GTPBP1: variants seen among roughly 807,000 people sequenced by gnomAD.
GTPBP1 encodes GTP binding protein 1, also known as GTP-binding protein 1.
GTPBP1 carries 23 observed loss-of-function variants against 62.0 expected under a neutral mutation model. The ratio of observed to expected loss-of-function variants is 0.37; its 90% CI spans 0.27 to 0.53. The LOEUF is 0.53. GTPBP1 is among the 20% of genes least tolerant of loss of function. The pLI is 0.89. For synonymous variants in GTPBP1, 344 were observed against 364.4 expected, an observed-to-expected ratio of 0.94 and a Z score of 0.64; for missense variants, 640 against 917.3, an observed-to-expected ratio of 0.70 and a Z score of 3.90.
intron 2 of GTPBP1, among the ~76,000 whole-genome samples, chr22:38,715,676 G>C (rs2092665726): frequency 6.6e-6 from 1 of 152,222 alleles, no homozygotes; most frequent in African/African-American, 2.4e-5. Context: ...CTCGGTGGCT[G>C]TTGTTGAATG....
At position 38,716,173 on chromosome 22, in the gene GTPBP1, T is replaced by C. The variant is rs1293788718; in HGVS notation, c.485+86T>C. ...TGTGGCACTTGGCGTGTCAGCTCCA[T>C]CCTTTCCCCTCCTGAGGCGGGGAAA... On this transcript the variant is annotated intron_variant, in intron 3 of 11. Transcript: ENST00000216044. The surrounding 1 kb of genome is among the most constrained non-coding windows in gnomAD (Gnocchi z 5.2). 9.4e-6 allele frequency: 10 copies of C among 1,066,134 alleles called. No homozygotes were observed. In the Admixed American group the frequency reaches 2.2e-4, roughly 24 times the overall value. 66.0% of individuals were successfully genotyped at this position (1,066,134 alleles called of 1,614,324 possible). A position where few individuals can be genotyped will look rare whatever the true frequency, so the allele number is the denominator to read the frequency against.
chr22:38,706,458 C>T (rs1377929809), intron 1 of GTPBP1: 2 of 238,246 alleles, frequency 8.4e-6, no homozygotes, highest in African/African-American at 4.5e-5. Flanking sequence ...GCCAGCTGCG[C>T]TCCGCGCGTT....
chr22:38,716,944 C>T lies in GTPBP1; in HGVS notation c.778C>T (p.Leu260=). 1.2e-6 allele frequency: 2 copies of T among 1,613,948 alleles called. No individual in the cohort carries two copies. Among genetic ancestry groups the T allele is most frequent in the Non-Finnish European group, 1.7e-6 (2 of 1,179,810 alleles). ...CGACTTGGCTGGTCATGAGAAGTACCTGAAAACCACTGTCTTCGGCATGAC... is the reference window on the plus strand; with the variant it reads ...CGACTTGGCTGGTCATGAGAAGTACTTGAAAACCACTGTCTTCGGCATGAC... ...FIDLAGHEKY[L]KTTVFGMTGH... is the part of the protein sequence containing the mutation. The change falls in exon 4 of 12, where the codon CTG becomes TTG. Residue 260 remains leucine, a synonymous_variant. Transcript: ENST00000216044. This position sits in a 1 kb window ranked among gnomAD's most constrained non-coding sequence, Gnocchi z 5.2.
chr22:38,730,776 G>C lies in GTPBP1; in HGVS notation c.*72G>C. On this transcript the variant is annotated 3_prime_UTR_variant, in exon 12 of 12. Transcript: ENST00000216044. The surrounding 1 kb of genome is among the most constrained non-coding windows in gnomAD (Gnocchi z 5.6). ...GCCACCACTCCACCAGATGGGCAGA[G>C]CAGCTATGACCGCCACCCAGCCCTC... The C allele has an allele frequency of 1.2e-6, 1 of 840,586 alleles. No individual in the cohort carries two copies. 52.1% of individuals were successfully genotyped at this position (840,586 alleles called of 1,614,324 possible).
downstream of GTPBP1, chr22:38,739,078 G>T: frequency 7.7e-7 from 1 of 1,302,280 alleles, no homozygotes. This position sits in a 1 kb window ranked among gnomAD's most constrained non-coding sequence, Gnocchi z 6.7. Context: ...AAGGTGGACG[G>T]CAGATGCCCC....
chr22:38,721,944 C>T (rs559654289), intron 5 of GTPBP1, 79 bp downstream of exon 5: 35 of 1,004,392 alleles, frequency 3.5e-5, no homozygotes, highest in Middle Eastern at 2.4e-4. Context: ...TCTGCTACCA[C>T]GGCTTTAGCC....
At chr22:38,722,653 C>T (rs1056344359) in intron 5 of GTPBP1, 3 of 1,504,128 alleles carry the variant, frequency 2.0e-6, no homozygotes, top group Admixed American at 4.0e-5. Context: ...TCCTTGCCTT[C>T]TACAGATAAT....
chr22:38,730,993 G>GT lies in GTPBP1; in HGVS notation c.*290dup, dbSNP rs1339153250. On this transcript the variant is annotated 3_prime_UTR_variant, in exon 12 of 12. Coordinates refer to ENST00000216044, the MANE Select transcript of GTPBP1 (RefSeq NM_004286.5). The surrounding 1 kb of genome is among the most constrained non-coding windows in gnomAD (Gnocchi z 5.6). Reference sequence around the variant, plus strand: ...TTAGTTTTTATTCTGTTTATTATATGTCTCTGTCTCTCTCTATTGTGTGTG... The same window carrying GT: ...TTAGTTTTTATTCTGTTTATTATATGTTCTCTGTCTCTCTCTATTGTGTGTG... 5.2e-6 allele frequency: 2 copies of GT among 387,344 alleles called. No homozygotes were observed. The highest frequency in any genetic ancestry group is 1.1e-4 in the East Asian group (2 of 17,964). The allele number at this position is 387,344 out of a possible 1,614,324, so 24.0% of individuals were successfully genotyped here.
intron 1 of GTPBP1, among the ~76,000 whole-genome samples, chr22:38,708,158 G>C (rs2092617156): frequency 6.6e-6 from 1 of 152,216 alleles, no homozygotes; most frequent in Admixed American, 6.5e-5. Flanking sequence ...ACTCAGAGTG[G>C]TTAAATTCTT....
chr22:38,742,357 G>A (rs1301677505), downstream of GTPBP1: 6 of 1,611,980 alleles, frequency 3.7e-6, no homozygotes, highest in Non-Finnish European at 5.1e-6. Flanking sequence ...GCTTCACGGC[G>A]GCTCACTAGC....
chr22:38,739,076 CG>C, downstream of GTPBP1: 1 of 1,303,800 alleles, frequency 7.7e-7, no homozygotes, highest in Non-Finnish European at 1.1e-6. This position sits in a 1 kb window ranked among gnomAD's most constrained non-coding sequence, Gnocchi z 6.7. Context: ...TGAAGGTGGA[CG>C]GCAGATGCCC....
chr22:38,739,097 C>A, downstream of GTPBP1: 1 of 1,146,816 alleles, frequency 8.7e-7, no homozygotes, highest in Non-Finnish European at 1.3e-6. The surrounding 1 kb of genome is among the most constrained non-coding windows in gnomAD (Gnocchi z 6.7). Context: ...CCAGGCCTAG[C>A]CTTTAACCCT....
chr22:38,739,586 C>T, downstream of GTPBP1: 1 of 1,304,472 alleles, frequency 7.7e-7, no homozygotes, highest in Non-Finnish European at 1.1e-6. The surrounding 1 kb of genome is among the most constrained non-coding windows in gnomAD (Gnocchi z 6.7). Flanking sequence ...CCCATGCCAG[C>T]CCCACAGCAT....
At chr22:38,738,256 CG>C, downstream of GTPBP1, 2 of 1,613,656 alleles carry the variant, frequency 1.2e-6, no homozygotes, top group Non-Finnish European at 1.7e-6. The surrounding 1 kb of genome is among the most constrained non-coding windows in gnomAD (Gnocchi z 6.6). Context: ...TGCAGGTCTT[CG>C]TCAAACCCCT....
chr22:38,723,963 A>C (rs1159696670), intron 5 of GTPBP1, among the ~76,000 whole-genome samples: 1 of 152,154 alleles, frequency 6.6e-6, no homozygotes, highest in Non-Finnish European at 1.5e-5. Flanking sequence ...GAAGTAGTGC[A>C]TTCTGAGAAC....
At chr22:38,740,851 G>C, downstream of GTPBP1, 1 of 789,616 alleles carries the variant, frequency 1.3e-6, no homozygotes, top group Non-Finnish European at 2.1e-6. This position sits in a 1 kb window ranked among gnomAD's most constrained non-coding sequence, Gnocchi z 4.8. Context: ...CAGGCCCTGG[G>C]CAGGGGTCCT....
At chr22:38,725,845 C>T (rs760715338) in intron 6 of GTPBP1, 161 bp from the exon 7 acceptor site, 2 of 687,588 alleles carry the variant, frequency 2.9e-6, no homozygotes, top group Non-Finnish European at 5.1e-6. Flanking sequence ...TAGGTCAGGG[C>T]AAAGAGGTCA....
At position 38,730,641 on chromosome 22, in the gene GTPBP1, AG is replaced by A; in HGVS notation, c.1952del (p.Gly651AlafsTer6). 2 of 1,606,402 alleles carry A rather than the reference AG, an allele frequency of 1.2e-6. No individual in the cohort carries two copies. The highest frequency in any genetic ancestry group is 8.5e-7 in the Non-Finnish European group (1 of 1,179,166). On this transcript the variant is annotated frameshift_variant, in exon 12 of 12. Transcript: ENST00000216044. LOFTEE classifies it high-confidence loss of function. This position sits in a 1 kb window ranked among gnomAD's most constrained non-coding sequence, Gnocchi z 5.6. The part of the protein sequence containing the change: ...PKPSSGGRRR[G>X]GQRHKVKSQG... ...AGCCCAGCAGTGGAGGCCGGCGACG[AG>A]GGGGCCAGCGCCACAAGGTGAAGTC...
chr22:38,723,470 G>A (rs960472873), intron 5 of GTPBP1: 11 of 971,550 alleles, frequency 1.1e-5, no homozygotes, highest in East Asian at 2.6e-5. Flanking sequence ...TCGGGCAGCC[G>A]ATGCTCAGAG....
Sources: gnomAD v4.1 joint callset for allele counts (sites outside exome capture counted in the v4.1 genomes callset) on GRCh38, gnomAD v4.1.1 for gene constraint, Gnocchi (gnomAD v3.1) non-coding constraint, MANE v1.5 for transcripts, NCBI Gene and HGNC (gene_info 2026-07-23, HGNC 2026-07-21) for gene names.